KIF11: variants seen among roughly 807,000 people sequenced by gnomAD.
KIF11 encodes the protein kinesin-like protein KIF11.
In KIF11, 9 loss-of-function variants were observed where a neutral mutation model predicts 121.0. That is an observed-to-expected ratio of 0.07 (90% CI 0.04 to 0.13). KIF11 has a LOEUF of 0.13. KIF11 is among the 10% of genes least tolerant of loss of function. The pLI is 1.00. For missense variants in KIF11, 846 were observed against 1,217.5 expected, an observed-to-expected ratio of 0.69 and a Z score of 4.54; for synonymous variants, 408 against 421.0, an observed-to-expected ratio of 0.97 and a Z score of 0.38.
chr10:92,618,772 A>G (rs781600548), intron 9 of KIF11, among the ~76,000 whole-genome samples: 44 of 152,054 alleles, frequency 2.9e-4, no homozygotes, highest in Admixed American at 2.0e-3. Context: ...TTTTCCTTAC[A>G]TGTGTATGTG....
chr10:92,637,580 G>A (rs755964981), intron 16 of KIF11, 35 bp downstream of exon 16: 73 of 1,570,398 alleles, frequency 4.6e-5, no homozygotes, highest in Non-Finnish European at 6.0e-5. Context: ...AGTACAGAAA[G>A]AGAGTTTTAG....
At chr10:92,639,036 G>A (rs1844837133) in intron 16 of KIF11, among the ~76,000 whole-genome samples, 1 of 152,142 alleles carries the variant, frequency 6.6e-6, no homozygotes, top group South Asian at 2.1e-4. Flanking sequence ...TTTACATTTT[G>A]TTAATATGAT....
At chr10:92,598,184 G>A (rs981954318) in intron 1 of KIF11, among the ~76,000 whole-genome samples, 4 of 152,102 alleles carry the variant, frequency 2.6e-5, no homozygotes, top group African/African-American at 9.7e-5. Flanking sequence ...ATCCATTGTT[G>A]TGAAGCTTTT....
chr10:92,602,869 T>G (rs1844388663), intron 1 of KIF11, among the ~76,000 whole-genome samples: 1 of 150,106 alleles, frequency 6.7e-6, no homozygotes. Context: ...TTTTTGTTTG[T>G]TTTGAGACTG....
chr10:92,622,727 C>T (rs973963911), intron 10 of KIF11, among the ~76,000 whole-genome samples: 5 of 152,128 alleles, frequency 3.3e-5, no homozygotes, highest in Non-Finnish European at 7.4e-5. Context: ...TGTTCTTATA[C>T]TACTATAGAG....
chr10:92,617,746 G>GTTT (rs200758925), intron 9 of KIF11, among the ~76,000 whole-genome samples: 1 of 144,194 alleles, frequency 6.9e-6, no homozygotes, highest in African/African-American at 2.5e-5. Flanking sequence ...TTTTGTTTTT[G>GTTT]TTTTTTTTTT....
intron 19 of KIF11, 99 bp downstream of exon 19, chr10:92,648,533 G>A (rs1844945603): frequency 2.9e-6 from 2 of 682,404 alleles, no homozygotes; most frequent in Non-Finnish European, 4.9e-6. Context: ...GCCATTGCCT[G>A]ACAGAAATTT....
rs1465360360 is a variant in KIF11, at chr10:92,648,223, A to G, written c.2559A>G (p.Gln853=). The G allele has an allele frequency of 1.9e-6, 3 of 1,602,880 alleles. No homozygotes were observed. Among genetic ancestry groups the G allele is most frequent in the Non-Finnish European group, 1.7e-6 (2 of 1,174,692 alleles). Residue 853 remains glutamine (Q), a synonymous_variant, in exon 19 of 22, where the codon CAA becomes CAG. Coordinates refer to ENST00000260731, the MANE Select transcript of KIF11 (RefSeq NM_004523.4). ...TGCATCATTTACAGGTTGTAAGCCA[A>G]TGTTGTGAGGCTTCAAGTTCAGACA... ...ELHNLLEVVS[Q]CCEASSSDIT... is the part of the protein sequence containing the mutation.
At chr10:92,605,636 A>G (rs530129001) in intron 1 of KIF11, among the ~76,000 whole-genome samples, 1 of 151,950 alleles carries the variant, frequency 6.6e-6, no homozygotes, top group South Asian at 2.1e-4. Flanking sequence ...ACAGGCATGC[A>G]CCACCATGCC....
rs148540078 is a variant in KIF11 at position 92,616,207 on chromosome 10, G to T, written c.1033-530G>T. On this transcript the variant is annotated intron_variant, in intron 8 of 21. Transcript: ENST00000260731. ...CTTTGTGGTTTTTTTGTTTTGTTTTGTTTTTTTGTTTTTTTTTTTTGAGAC... is the reference window on the plus strand; with the variant it reads ...CTTTGTGGTTTTTTTGTTTTGTTTTTTTTTTTTGTTTTTTTTTTTTGAGAC... Among the ~76,000 whole-genome samples the T allele has an allele frequency of 9.1e-3, 1,359 of 149,522 alleles. 19 individuals carry two copies. Among genetic ancestry groups the T allele is most frequent in the African/African-American group, 0.031 (1,264 of 40,782 alleles).
intron 9 of KIF11, among the ~76,000 whole-genome samples, 198 bp from the exon 10 acceptor site, chr10:92,621,187 T>A (rs1844613412): frequency 1.3e-5 from 2 of 152,226 alleles, no homozygotes; most frequent in Non-Finnish European, 2.9e-5. Flanking sequence ...AATGAGTGTA[T>A]TTAAAAAGGA....
intron 1 of KIF11, among the ~76,000 whole-genome samples, chr10:92,600,766 C>T (rs1225643329): frequency 6.6e-6 from 1 of 152,192 alleles, no homozygotes; most frequent in Non-Finnish European, 1.5e-5. Flanking sequence ...TCCTGAAGTA[C>T]TGGGATTATA....
At chr10:92,619,190 G>A (rs1356451223) in intron 9 of KIF11, among the ~76,000 whole-genome samples, 1 of 152,020 alleles carries the variant, frequency 6.6e-6, no homozygotes, top group Non-Finnish European at 1.5e-5. Flanking sequence ...ATAATTTTTT[G>A]TATTTTTAGT....
chr10:92,616,682 G>GA (rs2135907128), intron 8 of KIF11, 55 bp from the exon 9 acceptor site: 1 of 873,226 alleles, frequency 1.1e-6, no homozygotes, highest in South Asian at 1.5e-5. Flanking sequence ...TTAGATAACA[G>GA]AACTACATTA....
chr10:92,619,618 T>C (rs1214771465), intron 9 of KIF11, among the ~76,000 whole-genome samples: 1 of 152,118 alleles, frequency 6.6e-6, no homozygotes, highest in Non-Finnish European at 1.5e-5. Flanking sequence ...GTGATCTGAT[T>C]TCTTCACATC....
chr10:92,617,540 G>A (rs1012483937), intron 9 of KIF11, among the ~76,000 whole-genome samples: 1 of 152,038 alleles, frequency 6.6e-6, no homozygotes, highest in Admixed American at 6.6e-5. Context: ...GATATCTAGG[G>A]ATTTAATTTC....
At chr10:92,633,318 A>G (rs1037460612) in intron 13 of KIF11, among the ~76,000 whole-genome samples, 5 of 151,880 alleles carry the variant, frequency 3.3e-5, no homozygotes, top group African/African-American at 1.2e-4. Context: ...CTGTAAACTT[A>G]CCATAATTCT....
chr10:92,617,843 G>A (rs1440655560), intron 9 of KIF11, among the ~76,000 whole-genome samples: 1 of 151,848 alleles, frequency 6.6e-6, no homozygotes, highest in Non-Finnish European at 1.5e-5. Flanking sequence ...AGGTTCAAGT[G>A]ATTCTTCGAC....
Position 92,613,028 on chromosome 10 carries a change from A to G in KIF11, c.699-12A>G. ...CATTATAATGACTGGGCAACTTGAT[A>G]TTGTTTTCTAGTCGTTCCCACTCAG... On this transcript the variant is annotated splice_polypyrimidine_tract_variant and intron_variant, in intron 6 of 21. Transcript: ENST00000260731. This position sits in a 1 kb window ranked among gnomAD's most constrained non-coding sequence, Gnocchi z 4.2. The G allele has an allele frequency of 6.6e-7, 1 of 1,514,296 alleles. No homozygotes were observed. Among genetic ancestry groups the G allele is most frequent in the Non-Finnish European group, 9.1e-7 (1 of 1,096,804 alleles). 93.8% of individuals were successfully genotyped at this position (1,514,296 alleles called of 1,614,324 possible).
Sources: allele counts gnomAD v4.1 joint callset (sites outside exome capture counted in the v4.1 genomes callset), GRCh38; gene constraint gnomAD v4.1.1; non-coding constraint Gnocchi (gnomAD v3.1); transcripts MANE v1.5; gene names NCBI Gene and HGNC (gene_info 2026-07-23, HGNC 2026-07-21).